Variants in EYS observed in about 807,000 individuals in gnomAD.
EYS encodes protein eyes shut homolog.
Under a neutral mutation model 282.1 loss-of-function variants are expected in EYS, and 250 were observed. The observed-to-expected ratio is 0.89, with a 90% confidence interval of 0.80 to 0.98. The LOEUF (loss-of-function observed/expected upper bound fraction) is 0.98, where lower values mean the gene tolerates loss of function less well. EYS is among the 50% of genes least tolerant of loss of function. EYS has a pLI of 0.00. For synonymous variants in EYS, 1,355 were observed against 1,282.9 expected (o/e 1.06, Z -1.20); for missense variants, 4,016 against 3,709.0 (o/e 1.08, Z -2.15).
chr6:64,277,789 C>CA (rs1038623935), intron 30 of EYS, among the ~76,000 whole-genome samples: 8 of 152,152 alleles, frequency 5.3e-5, no homozygotes, highest in Admixed American at 2.0e-4. Context: ...TGGATAGGCT[C>CA]AAAAATTCTA....
intron 41 of EYS, among the ~76,000 whole-genome samples, chr6:63,747,095 CT>C (rs1258217268): frequency 6.6e-6 from 1 of 152,204 alleles, no homozygotes; most frequent in African/African-American, 2.4e-5. Flanking sequence ...CCTCTAAACA[CT>C]GCTTTAGCTG....
chr6:64,563,433 A>G (rs1765465776), intron 26 of EYS, among the ~76,000 whole-genome samples: 2 of 152,104 alleles, frequency 1.3e-5, no homozygotes, highest in Admixed American at 6.5e-5. Flanking sequence ...TGTATAGAGA[A>G]ATCTCATGTA....
chr6:63,817,544 C>G (rs185140522), intron 36 of EYS, among the ~76,000 whole-genome samples: 1 of 152,106 alleles, frequency 6.6e-6, no homozygotes, highest in Non-Finnish European at 1.5e-5. Flanking sequence ...CTCTTCCCCC[C>G]AGTCTCCTGT....
At chr6:64,502,263 C>T (rs867950412) in intron 26 of EYS, among the ~76,000 whole-genome samples, 2 of 151,574 alleles carry the variant, frequency 1.3e-5, no homozygotes, top group East Asian at 1.9e-4. Context: ...TTTTTTTTGC[C>T]GGAGTCTCCC....
At chr6:65,416,988 A>G (rs895080887) in intron 5 of EYS, among the ~76,000 whole-genome samples, 2 of 152,050 alleles carry the variant, frequency 1.3e-5, no homozygotes, top group African/African-American at 4.8e-5. Flanking sequence ...GTTTGCCAAG[A>G]CAAAGAATTG....
At chr6:64,589,978 T>C (rs1766348345) in intron 26 of EYS, among the ~76,000 whole-genome samples, 1 of 152,112 alleles carries the variant, frequency 6.6e-6, no homozygotes, top group Non-Finnish European at 1.5e-5. Flanking sequence ...CAGTTTCTGA[T>C]TGCTTGACAG....
At position 64,493,802 on chromosome 6, in the gene EYS, C is replaced by T. The variant is rs540423522; in HGVS notation, c.5645-54450G>A. ...AACATGGGTGACTGGAATAACTCCCCTTCTCCTTACACTTAAGTTTACTAT... is the reference window on the plus strand; with the variant it reads ...AACATGGGTGACTGGAATAACTCCCTTTCTCCTTACACTTAAGTTTACTAT... On this transcript the variant is annotated intron_variant, in intron 26 of 42. Transcript: ENST00000503581. Among the ~76,000 whole-genome samples, 6 of 151,594 alleles carry T rather than the reference C, an allele frequency of 4.0e-5. No individual in the cohort carries two copies. In the South Asian group the frequency reaches 8.3e-4, roughly 21 times the overall value.
intron 29 of EYS, among the ~76,000 whole-genome samples, chr6:64,352,807 A>G (rs958488609): frequency 6.6e-6 from 1 of 151,572 alleles, no homozygotes; most frequent in African/African-American, 2.4e-5. Context: ...TTGGGAAAAT[A>G]TAATTTTATT....
At chr6:64,335,385 T>C (rs1271234050) in intron 29 of EYS, among the ~76,000 whole-genome samples, 3 of 151,948 alleles carry the variant, frequency 2.0e-5, no homozygotes, top group Non-Finnish European at 4.4e-5. Context: ...AGTTTCTGCT[T>C]ACCTCCCTAG....
intron 34 of EYS, among the ~76,000 whole-genome samples, chr6:63,986,635 A>G (rs982976846): frequency 2.0e-5 from 3 of 151,822 alleles, no homozygotes; most frequent in Non-Finnish European, 2.9e-5. Context: ...GGACACATGG[A>G]TGGAGCTGGA....
At chr6:65,538,029 G>A (rs1473155691) in intron 2 of EYS, among the ~76,000 whole-genome samples, 2 of 152,146 alleles carry the variant, frequency 1.3e-5, no homozygotes, top group African/African-American at 4.8e-5. Flanking sequence ...ACCTTTCTGT[G>A]TGTCAATTTC....
intron 29 of EYS, among the ~76,000 whole-genome samples, chr6:64,315,131 A>G (rs1158753707): frequency 6.6e-6 from 1 of 152,222 alleles, no homozygotes; most frequent in East Asian, 1.9e-4. Flanking sequence ...CTACCATTAG[A>G]GAATACTATA....
chr6:64,624,966 C>A (rs1472172584), intron 23 of EYS, among the ~76,000 whole-genome samples: 2 of 152,146 alleles, frequency 1.3e-5, no homozygotes, highest in African/African-American at 4.8e-5. Flanking sequence ...GCCTCCATCT[C>A]CTGGGCTCAA....
intron 31 of EYS, among the ~76,000 whole-genome samples, chr6:64,228,857 A>C (rs188965194): frequency 4.9e-4 from 75 of 152,270 alleles, no homozygotes; most frequent in Admixed American, 9.2e-4. Flanking sequence ...AGTGTTAAAG[A>C]TACTAGGTAA....
At chr6:64,370,380 C>A (rs961247657) in intron 29 of EYS, among the ~76,000 whole-genome samples, 1 of 152,058 alleles carries the variant, frequency 6.6e-6, no homozygotes, top group Non-Finnish European at 1.5e-5. Context: ...CCTACTTGAT[C>A]ATGGTGGATT....
chr6:65,207,247 T>G (rs1766059291), intron 12 of EYS, among the ~76,000 whole-genome samples: 1 of 151,104 alleles, frequency 6.6e-6, no homozygotes, highest in Non-Finnish European at 1.5e-5. Flanking sequence ...CTGAGAACCA[T>G]ATAAAAAACT....
At chr6:64,573,596 C>A (rs923448497) in intron 26 of EYS, among the ~76,000 whole-genome samples, 5 of 151,720 alleles carry the variant, frequency 3.3e-5, no homozygotes, top group African/African-American at 4.8e-5. Flanking sequence ...AAATCAATCC[C>A]GTCAAAAAGT....
chr6:64,395,659 G>A (rs1385993711), intron 28 of EYS, among the ~76,000 whole-genome samples: 2 of 151,434 alleles, frequency 1.3e-5, no homozygotes, highest in Non-Finnish European at 2.9e-5. Flanking sequence ...GGGAGGGATA[G>A]CATTGGCAGA....
At chr6:63,932,954 T>C (rs1245655187) in intron 35 of EYS, among the ~76,000 whole-genome samples, 2 of 152,246 alleles carry the variant, frequency 1.3e-5, no homozygotes, top group African/African-American at 4.8e-5. Context: ...GTTCCCATGA[T>C]ACCTTCCTTG....
Sources: allele counts gnomAD v4.1 joint callset (sites outside exome capture counted in the v4.1 genomes callset), GRCh38; gene constraint gnomAD v4.1.1; transcripts MANE v1.5; gene names NCBI Gene and HGNC (gene_info 2026-07-23, HGNC 2026-07-21).